Variants in RIN3 observed in about 807,000 individuals in gnomAD.
The protein encoded by RIN3 is RAB5 interacting protein 3.
In RIN3, 54 loss-of-function variants were observed where a neutral mutation model predicts 76.3. The observed-to-expected ratio is 0.71, with a 90% confidence interval of 0.57 to 0.89. The LOEUF is 0.89. RIN3 is among the 40% of genes least tolerant of loss of function. RIN3 has a pLI of 0.00. For synonymous variants in RIN3, 576 were observed against 564.0 expected, an observed-to-expected ratio of 1.02 and a Z score of -0.30; for missense variants, 1,256 against 1,322.1, an observed-to-expected ratio of 0.95 and a Z score of 0.78.
At chr14:92,521,917 T>C (rs1896607130) in intron 1 of RIN3, among the ~76,000 whole-genome samples, 3 of 152,176 alleles carry the variant, frequency 2.0e-5, no homozygotes, top group Non-Finnish European at 4.4e-5. Flanking sequence ...TCTTGAAAGA[T>C]ACGTAGGATT....
At chr14:92,674,264 C>A (rs1888385986) in intron 7 of RIN3, among the ~76,000 whole-genome samples, 1 of 152,158 alleles carries the variant, frequency 6.6e-6, no homozygotes, top group African/African-American at 2.4e-5. Flanking sequence ...CTTCACACCG[C>A]GCCTCTCAGC....
intron 3 of RIN3, among the ~76,000 whole-genome samples, chr14:92,601,311 G>A (rs1206207314): frequency 6.6e-6 from 1 of 152,146 alleles, no homozygotes; most frequent in African/African-American, 2.4e-5. Flanking sequence ...CATGTGGTAG[G>A]TGAGGGCACG....
chr14:92,581,203 C>T (rs1439163418), intron 3 of RIN3, among the ~76,000 whole-genome samples: 3 of 152,142 alleles, frequency 2.0e-5, no homozygotes, highest in African/African-American at 7.2e-5. Flanking sequence ...GCGGGTGCTC[C>T]TGGGGTCACA....
chr14:92,626,366 C>G (rs1341654723), intron 4 of RIN3, among the ~76,000 whole-genome samples: 1 of 152,130 alleles, frequency 6.6e-6, no homozygotes, highest in Non-Finnish European at 1.5e-5. Context: ...AGGTATATAA[C>G]TGGGGGCCTA....
At position 92,541,014 on chromosome 14, in the gene RIN3, GT is replaced by G. The variant is rs1897120725; in HGVS notation, c.45-14735del. Among the ~76,000 whole-genome samples the G allele has an allele frequency of 1.3e-5, 2 of 152,180 alleles. 1 individual carries two copies. Among genetic ancestry groups the G allele is most frequent in the South Asian group, 4.1e-4 (2 of 4,830 alleles). On this transcript the variant is annotated intron_variant, in intron 1 of 9. Transcript: ENST00000216487. ...AGGCAGCTGCTGTCAGTCAACTGGG[GT>G]TCACATGGGAAGTTCAACCTACTTG...
At chr14:92,552,617 C>G (rs1448824161) in intron 1 of RIN3, among the ~76,000 whole-genome samples, 1 of 152,084 alleles carries the variant, frequency 6.6e-6, no homozygotes, top group Non-Finnish European at 1.5e-5. Context: ...GCAGGAATTG[C>G]AGGCTTGGGA....
chr14:92,654,424 A>T (rs1887588765), intron 6 of RIN3, among the ~76,000 whole-genome samples: 3 of 152,192 alleles, frequency 2.0e-5, no homozygotes, highest in African/African-American at 7.2e-5. Context: ...GTTTGTAAAT[A>T]GTTACTGCCC....
chr14:92,667,763 T>A (rs190891924), intron 7 of RIN3, among the ~76,000 whole-genome samples: 17 of 152,254 alleles, frequency 1.1e-4, no homozygotes, highest in African/African-American at 4.1e-4. Flanking sequence ...TCCAATTGCA[T>A]AGAGGAGGTT....
chr14:92,621,418 G>T (rs1886178876), intron 4 of RIN3, among the ~76,000 whole-genome samples: 4 of 152,090 alleles, frequency 2.6e-5, no homozygotes. Flanking sequence ...ATGTGCCCAA[G>T]GTGGTTGGGG....
intron 1 of RIN3, among the ~76,000 whole-genome samples, chr14:92,533,795 A>G (rs1896935426): frequency 6.6e-6 from 1 of 152,214 alleles, no homozygotes; most frequent in South Asian, 2.1e-4. Context: ...GGGTGTACCA[A>G]AATCTCAGAA....
chr14:92,615,164 C>T (rs910480374), intron 3 of RIN3, among the ~76,000 whole-genome samples: 4 of 151,904 alleles, frequency 2.6e-5, no homozygotes, highest in Admixed American at 6.6e-5. Flanking sequence ...ATCAGCAGCT[C>T]GAAAATGGAC....
chr14:92,614,136 A>C (rs1014589755), intron 3 of RIN3, among the ~76,000 whole-genome samples: 2 of 152,220 alleles, frequency 1.3e-5, no homozygotes, highest in African/African-American at 4.8e-5. Flanking sequence ...AGCCCCATCC[A>C]CCTTGGCATG....
At chr14:92,615,345 C>A in intron 3 of RIN3, 62 bp from the exon 4 acceptor site, 1 of 1,435,678 alleles carries the variant, frequency 7.0e-7, no homozygotes. Flanking sequence ...TTGCCACCTC[C>A]TTCCCCCATT....
Position 92,652,944 on chromosome 14 carries a change from C to T in RIN3, c.1895C>T (p.Ala632Val), listed in dbSNP as rs747970987. The T allele has an allele frequency of 1.2e-4, 199 of 1,613,718 alleles. No homozygotes were observed. The highest frequency in any genetic ancestry group is 1.6e-4 in the Non-Finnish European group (192 of 1,180,034). The change falls in exon 6 of 10, where the codon GCG (alanine) becomes GTG (valine). Residue 632 changes from alanine (A) to valine (V), a missense_variant. Around this residue, in one of 3 missense-constraint regions of RIN3, gnomAD observed 428 missense variants for 521.2 expected, o/e 0.82. Coordinates refer to ENST00000216487, the MANE Select transcript of RIN3 (RefSeq NM_024832.5). The surrounding 1 kb of genome is among the most constrained non-coding windows in gnomAD (Gnocchi z 6.4). Reference protein sequence around the residue: ...DYKVYSLEMMARQTSSTEMLQ... With the variant: ...DYKVYSLEMMVRQTSSTEMLQ... ...AAGGTGTACAGCCTGGAGATGATGG[C>T]GCGCCAGACCTCCAGCACGGAGATG...
At chr14:92,523,625 C>G (rs1331230535) in intron 1 of RIN3, among the ~76,000 whole-genome samples, 1 of 152,186 alleles carries the variant, frequency 6.6e-6, no homozygotes, top group Non-Finnish European at 1.5e-5. Flanking sequence ...TTTGCATCCA[C>G]TAAGGCTCTT....
At chr14:92,629,727 G>A (rs1037696710) in intron 4 of RIN3, among the ~76,000 whole-genome samples, 31 of 152,298 alleles carry the variant, frequency 2.0e-4, no homozygotes, top group Middle Eastern at 6.8e-3. Context: ...TAAATTTTGC[G>A]AACAATTTCA....
At chr14:92,636,108 T>C (rs1293052328) in intron 4 of RIN3, among the ~76,000 whole-genome samples, 2 of 152,128 alleles carry the variant, frequency 1.3e-5, no homozygotes, top group African/African-American at 2.4e-5. Context: ...AGTACCTGCT[T>C]TGTGGAGCTG....
At chr14:92,544,491 A>G (rs1026940061) in intron 1 of RIN3, among the ~76,000 whole-genome samples, 8 of 146,936 alleles carry the variant, frequency 5.4e-5, no homozygotes, top group Non-Finnish European at 1.2e-4. Flanking sequence ...AGTTGAATCT[A>G]TTCCCGGGGC....
At chr14:92,666,595 G>A (rs1888114317) in intron 7 of RIN3, among the ~76,000 whole-genome samples, 1 of 152,112 alleles carries the variant, frequency 6.6e-6, no homozygotes, top group Non-Finnish European at 1.5e-5. Flanking sequence ...ATTCTTCATG[G>A]ACTTCATGAG....
Sources: allele counts gnomAD v4.1 joint callset (sites outside exome capture counted in the v4.1 genomes callset), GRCh38; gene constraint gnomAD v4.1.1; regional missense constraint gnomAD v4.1.1; non-coding constraint Gnocchi (gnomAD v3.1); transcripts MANE v1.5; gene names NCBI Gene and HGNC (gene_info 2026-07-23, HGNC 2026-07-21).